Variants in RNF144B observed in about 807,000 individuals in gnomAD.
RNF144B encodes ring finger protein 144B.
In RNF144B, 25 loss-of-function variants were observed where a neutral mutation model predicts 40.2. The ratio of observed to expected loss-of-function variants is 0.62; its 90% CI spans 0.45 to 0.87. The LOEUF (loss-of-function observed/expected upper bound fraction) is 0.87. RNF144B is among the 40% of genes least tolerant of loss of function. The probability of loss-of-function intolerance (pLI) is 0.00; values close to 1 mark genes in which losing one functional copy is unlikely to be tolerated. For synonymous variants in RNF144B, 145 were observed against 136.3 expected (o/e 1.06, Z -0.44); for missense variants, 365 against 373.7 (o/e 0.98, Z 0.19).
At chr6:18,417,959 G>A (rs9396863) in intron 2 of RNF144B, among the ~76,000 whole-genome samples, 6,168 of 152,230 alleles carry the variant, frequency 0.041, 218 homozygotes, top group East Asian at 0.15. Flanking sequence ...CAGAGATGAT[G>A]TACAAATTAC....
At position 18,459,673 on chromosome 6, in the gene RNF144B, A is replaced by G; in HGVS notation, c.603A>G (p.Glu201=). 6.2e-7 allele frequency: 1 copy of G among 1,614,136 alleles called. No individual in the cohort carries two copies. Among genetic ancestry groups the G allele is most frequent in the Non-Finnish European group, 8.5e-7 (1 of 1,179,994 alleles). The change falls in exon 6 of 8, where the codon GAA becomes GAG. Residue 201 remains glutamate, a synonymous_variant. Coordinates refer to ENST00000259939, the MANE Select transcript of RNF144B (RefSeq NM_182757.4). This position sits in a 1 kb window ranked among gnomAD's most constrained non-coding sequence, Gnocchi z 4.2. ...GCCCAGTTTGCCGGGTTTATATCGAACGCAATGAAGGCTGCGCTCAGATGA... is the reference window on the plus strand; with the variant it reads ...GCCCAGTTTGCCGGGTTTATATCGAGCGCAATGAAGGCTGCGCTCAGATGA... The part of the protein sequence containing the change: ...KQCPVCRVYI[E]RNEGCAQMMC...
Position 18,464,676 on chromosome 6 carries a change from A to C in RNF144B, c.772-251A>C, listed in dbSNP as rs547696972. On this transcript the variant is annotated intron_variant, in intron 7 of 7. Coordinates refer to ENST00000259939, the MANE Select transcript of RNF144B (RefSeq NM_182757.4). This position sits in a 1 kb window ranked among gnomAD's most constrained non-coding sequence, Gnocchi z 6.1. ...CTTCACATGGCATAGAGCCTAGAGA[A>C]AGAAAGCAAGCTCTCTGGCATCTGT... 6.6e-6 allele frequency among the ~76,000 whole-genome samples: 1 copy of C among 152,288 alleles called. No homozygotes were observed. Among genetic ancestry groups the C allele is most frequent in the East Asian group, 1.9e-4 (1 of 5,166 alleles).
chr6:18,431,640 G>T (rs1426565486), intron 3 of RNF144B, among the ~76,000 whole-genome samples: 1 of 152,150 alleles, frequency 6.6e-6, no homozygotes, highest in Non-Finnish European at 1.5e-5. Context: ...AATATACTTT[G>T]CTTGTTAAAA....
At position 18,442,068 on chromosome 6, in the gene RNF144B, TA is replaced by T. The variant is rs1180985649; in HGVS notation, c.331+2326del. ...TCAGTGGGATTAGAACACTTGAAGT[TA>T]ATTGGCAACATCCATCGTTATGTGG... On this transcript the variant is annotated intron_variant, in intron 4 of 7. Transcript: ENST00000259939. This position sits in a 1 kb window ranked among gnomAD's most constrained non-coding sequence, Gnocchi z 4.3. Among the ~76,000 whole-genome samples, 4 of 152,220 alleles carry T rather than the reference TA, an allele frequency of 2.6e-5. No homozygotes were observed. The highest frequency in any genetic ancestry group is 4.4e-5 in the Non-Finnish European group (3 of 68,042).
chr6:18,453,458 T>G (rs1759259490), intron 4 of RNF144B, among the ~76,000 whole-genome samples: 1 of 152,122 alleles, frequency 6.6e-6, no homozygotes, highest in African/African-American at 2.4e-5. Context: ...TTGTTTGTTT[T>G]TTTCTTACAC....
At position 18,460,456 on chromosome 6, in the gene RNF144B, T is replaced by C. The variant is rs1315043508; in HGVS notation, c.681+705T>C. 6.6e-6 allele frequency among the ~76,000 whole-genome samples: 1 copy of C among 152,162 alleles called. No individual in the cohort carries two copies. The highest frequency in any genetic ancestry group is 2.4e-5 in the African/African-American group (1 of 41,432). Reference sequence around the variant, plus strand: ...GCAGAATCCCTCTTGTCATATAGGGTAACACATTCACAGATTCTGGGAATT... The same window carrying C: ...GCAGAATCCCTCTTGTCATATAGGGCAACACATTCACAGATTCTGGGAATT... On this transcript the variant is annotated intron_variant, in intron 6 of 7. Transcript: ENST00000259939. The surrounding 1 kb of genome is among the most constrained non-coding windows in gnomAD (Gnocchi z 4.4).
In RNF144B at chr6:18,449,269, T is replaced by C. The variant is rs141161204; in HGVS notation, c.332-7886T>C. 2.4e-3 allele frequency among the ~76,000 whole-genome samples: 366 copies of C among 152,362 alleles called. 3 individuals carry two copies. The South Asian group carries it at 0.03, about 13-fold the overall frequency. On this transcript the variant is annotated intron_variant, in intron 4 of 7. Transcript: ENST00000259939. ...TATCTGTAGATTGGTTGCTTATTCA[T>C]AGTTCTAACCTATAGGTTTAAGTGC...
rs1316130220 is a variant in RNF144B, at chr6:18,427,623, G to A, written c.208G>A (p.Gly70Arg). Residue 70 changes from glycine to arginine, a missense_variant, in exon 3 of 8, where the codon GGG becomes AGG. Physicochemically the swap from Gly to Arg is moderately radical, Grantham distance 125 (BLOSUM62 -2). Coordinates refer to ENST00000259939, the MANE Select transcript of RNF144B (RefSeq NM_182757.4). ...GCAGCTGGCAATCCGAGAAGGATGT[G>A]GGTCTCCCATCACTTGCCCTGACAT... ...YMQLAIREGC[G>R]SPITCPDMVC... The A allele has an allele frequency of 6.2e-7, 1 of 1,613,684 alleles. No homozygotes were observed. The highest frequency in any genetic ancestry group is 8.5e-7 in the Non-Finnish European group (1 of 1,179,790).
chr6:18,449,431 GT>G (rs1759159014), intron 4 of RNF144B, among the ~76,000 whole-genome samples: 1 of 152,056 alleles, frequency 6.6e-6, no homozygotes, highest in Admixed American at 6.6e-5. Flanking sequence ...AATTATAAAG[GT>G]TTTAACATTT....
intron 4 of RNF144B, among the ~76,000 whole-genome samples, chr6:18,455,989 C>T (rs1055238229): frequency 6.6e-6 from 1 of 152,022 alleles, no homozygotes; most frequent in Non-Finnish European, 1.5e-5. Flanking sequence ...GTGGTGCGAT[C>T]TCAGCTCACT....
At chr6:18,399,976 A>T (rs773636724) in intron 2 of RNF144B, among the ~76,000 whole-genome samples, 5 of 152,122 alleles carry the variant, frequency 3.3e-5, no homozygotes, top group Non-Finnish European at 7.4e-5. Context: ...AGAATAGAAA[A>T]ATTTTAACAT....
At chr6:18,454,564 C>T (rs1001260758) in intron 4 of RNF144B, among the ~76,000 whole-genome samples, 2 of 152,146 alleles carry the variant, frequency 1.3e-5, no homozygotes, top group Admixed American at 6.5e-5. Flanking sequence ...TTCTACACTC[C>T]TTTGCATGGA....
At chr6:18,463,402 C>A (rs9371061) in intron 7 of RNF144B, 22 bp downstream of exon 7, 2 of 1,492,726 alleles carry the variant, frequency 1.3e-6, no homozygotes, top group Non-Finnish European at 1.9e-6. Context: ...TTATAGGGAG[C>A]GTGACATAAA....
rs1241557235 is a variant in RNF144B, at chr6:18,459,011, T to C, written c.537-596T>C. On this transcript the variant is annotated intron_variant, in intron 5 of 7. Coordinates refer to ENST00000259939, the MANE Select transcript of RNF144B (RefSeq NM_182757.4). The surrounding 1 kb of genome is among the most constrained non-coding windows in gnomAD (Gnocchi z 4.2). ...AGTCTGATAATAGATTTGACAACAC[T>C]CTGTGAGTTGGATATCTCTGTGTGC... Among the ~76,000 whole-genome samples the C allele has an allele frequency of 6.6e-6, 1 of 152,194 alleles. No homozygotes were observed. The highest frequency in any genetic ancestry group is 2.4e-5 in the African/African-American group (1 of 41,444).
Position 18,435,754 on chromosome 6 carries a change from C to T in RNF144B, c.271-3930C>T, listed in dbSNP as rs1037285343. 8.6e-5 allele frequency among the ~76,000 whole-genome samples: 13 copies of T among 151,796 alleles called. No homozygotes were observed. In the South Asian group the frequency reaches 1.5e-3, roughly 17 times the overall value. Reference sequence around the variant, plus strand: ...GGATGAAGCTGGAAACCATCATTCTCAGCAAACTATCGCAAGGACAAAAAA... The same window carrying T: ...GGATGAAGCTGGAAACCATCATTCTTAGCAAACTATCGCAAGGACAAAAAA... On this transcript the variant is annotated intron_variant, in intron 3 of 7. Transcript: ENST00000259939.
Position 18,406,543 on chromosome 6 carries a change from C to T in RNF144B, c.165+6844C>T, listed in dbSNP as rs1156859849. Among the ~76,000 whole-genome samples, 1 of 150,086 alleles carries T rather than the reference C, an allele frequency of 6.7e-6. No individual in the cohort carries two copies. Among genetic ancestry groups the T allele is most frequent in the Non-Finnish European group, 1.5e-5 (1 of 67,710 alleles). On this transcript the variant is annotated intron_variant, in intron 2 of 7. Transcript: ENST00000259939. The surrounding 1 kb of genome is among the most constrained non-coding windows in gnomAD (Gnocchi z 4.2). ...GATGAAGGCTAAGTCCCATGATCTTCTCTCTGCAAGCTGGAGACCCAGGAG... is the reference window on the plus strand; with the variant it reads ...GATGAAGGCTAAGTCCCATGATCTTTTCTCTGCAAGCTGGAGACCCAGGAG...
intron 3 of RNF144B, among the ~76,000 whole-genome samples, chr6:18,438,983 C>A (rs2113514154): frequency 6.6e-6 from 1 of 152,260 alleles, no homozygotes; most frequent in African/African-American, 2.4e-5. Context: ...GCTTTTCCTG[C>A]ATCTGCCTTT....
At chr6:18,411,173 C>T (rs13201104) in intron 2 of RNF144B, among the ~76,000 whole-genome samples, 97,283 of 151,038 alleles carry the variant, frequency 0.64, 31,598 homozygotes, top group Non-Finnish European at 0.69. Flanking sequence ...TTAGTAGAGA[C>T]GGGATTTCAC....
intron 2 of RNF144B, among the ~76,000 whole-genome samples, chr6:18,404,032 C>A (rs1321711093): frequency 6.6e-6 from 1 of 152,216 alleles, no homozygotes; most frequent in Non-Finnish European, 1.5e-5. Flanking sequence ...GTCCCACCTC[C>A]CAACACTACT....
Sources: allele counts gnomAD v4.1 joint callset (sites outside exome capture counted in the v4.1 genomes callset), GRCh38; gene constraint gnomAD v4.1.1; non-coding constraint Gnocchi (gnomAD v3.1); transcripts MANE v1.5; gene names NCBI Gene and HGNC (gene_info 2026-07-23, HGNC 2026-07-21).